Variants in CDHR4 observed in about 807,000 individuals in gnomAD.
The protein encoded by CDHR4 is cadherin-related family member 4.
A neutral mutation model predicts 88.4 loss-of-function variants in CDHR4; 89 were observed. The observed-to-expected ratio is 1.01, with a 90% CI of 0.85 to 1.20. The LOEUF (loss-of-function observed/expected upper bound fraction) is 1.20. Ranked by LOEUF, CDHR4 falls within the 50% of genes most tolerant of loss-of-function variation. CDHR4 has a pLI of 0.00. For missense variants in CDHR4, 914 were observed against 1,007.2 expected, an observed-to-expected ratio of 0.91 and a Z score of 1.25; for synonymous variants, 368 against 399.2, an observed-to-expected ratio of 0.92 and a Z score of 0.93.
rs1370995679 is a variant in CDHR4, at chr3:49,790,821, G to C, written c.*11C>G. On this transcript the variant is annotated 3_prime_UTR_variant, in exon 19 of 19. Coordinates refer to ENST00000412678, the MANE Select transcript of CDHR4 (RefSeq NM_001007540.4). The stretch of plus-strand genomic sequence containing the variant: ...AAGAAATTCCACACATAGTAAGACA[G>C]CTACTTGGCCTCAGAGCCAGCGCCG... 6.5e-7 allele frequency: 1 copy of C among 1,550,096 alleles called. No individual in the cohort carries two copies. The highest frequency in any genetic ancestry group is 2.4e-5 in the East Asian group (1 of 40,930).
chr3:49,794,128 G>A lies in CDHR4; in HGVS notation c.1280-122C>T, dbSNP rs577482559. The A allele has an allele frequency of 1.6e-5, 15 of 958,974 alleles. No individual in the cohort carries two copies. The Admixed American group carries it at 3.4e-4, about 22-fold the overall frequency. 59.4% of individuals were successfully genotyped at this position (958,974 alleles called of 1,614,324 possible). On this transcript the variant is annotated intron_variant, in intron 10 of 18. Coordinates refer to ENST00000412678, the MANE Select transcript of CDHR4 (RefSeq NM_001007540.4). ...AGAGTGAGAGGGTCTGCTGGGCGTGGTGGCTCACGCCTGTAATCCCAGCAC... is the reference window on the plus strand; with the variant it reads ...AGAGTGAGAGGGTCTGCTGGGCGTGATGGCTCACGCCTGTAATCCCAGCAC...
At chr3:49,792,805 C>T in intron 14 of CDHR4, 49 bp downstream of exon 14, 6 of 1,493,156 alleles carry the variant, frequency 4.0e-6, no homozygotes, top group Non-Finnish European at 5.4e-6. Context: ...TCCTCACTCT[C>T]CAAGGTCCAC....
At position 49,793,144 on chromosome 3, in the gene CDHR4, G is replaced by GTGC. The variant is rs1487815719; in HGVS notation, c.1774+14_1774+16dup. On this transcript the variant is annotated intron_variant, in intron 13 of 18. Transcript: ENST00000412678. Reference sequence around the variant, plus strand: ...CCTGCCCCTCACTCACAACCTGGTGGTGCCCATGTCCCCTACCTCCCACGA... The same window carrying GTGC: ...CCTGCCCCTCACTCACAACCTGGTGGTGCTGCCCATGTCCCCTACCTCCCACGA... 1 of 1,551,160 alleles carries GTGC rather than the reference G, an allele frequency of 6.4e-7. No individual in the cohort carries two copies. The highest frequency in any genetic ancestry group is 2.4e-5 in the East Asian group (1 of 40,902).
intron 15 of CDHR4, 103 bp from the exon 16 acceptor site, chr3:49,792,062 T>A (rs1000345506): frequency 8.5e-7 from 1 of 1,180,246 alleles, no homozygotes; most frequent in African/African-American, 1.5e-5. Context: ...ACAACCAATG[T>A]CTGTATGCAG....
rs1442990938 is a variant in CDHR4 at position 49,795,780 on chromosome 3, G to A, written c.711-16C>T. On this transcript the variant is annotated splice_polypyrimidine_tract_variant and intron_variant, in intron 6 of 18. Transcript: ENST00000412678. This position sits in a 1 kb window ranked among gnomAD's most constrained non-coding sequence, Gnocchi z 5.4. ...AGCCTGCTCGCTGGACCAAAAGGGGGGCACTGGTTCCTGCCCATTCCTGCT... is the reference window on the plus strand; with the variant it reads ...AGCCTGCTCGCTGGACCAAAAGGGGAGCACTGGTTCCTGCCCATTCCTGCT... The A allele has an allele frequency of 1.9e-6, 3 of 1,551,606 alleles. No homozygotes were observed. Among genetic ancestry groups the A allele is most frequent in the Non-Finnish European group, 8.7e-7 (1 of 1,146,946 alleles).
At chr3:49,791,293 T>G in intron 18 of CDHR4, 148 bp downstream of exon 18, 1 of 831,082 alleles carries the variant, frequency 1.2e-6, no homozygotes, top group Non-Finnish European at 1.9e-6. Context: ...TGAGCGGGGA[T>G]GAGAGCAGAC....
At chr3:49,794,899 C>G in intron 9 of CDHR4, 48 bp downstream of exon 9, 1 of 1,540,322 alleles carries the variant, frequency 6.5e-7, no homozygotes, top group Non-Finnish European at 8.8e-7. Flanking sequence ...CCCACCCCTT[C>G]CCACTGCAAG....
At position 49,799,802 on chromosome 3, in the gene CDHR4, A is replaced by C; in HGVS notation, c.11T>G (p.Leu4Arg). 6.2e-7 allele frequency: 1 copy of C among 1,613,968 alleles called. No individual in the cohort carries two copies. The highest frequency in any genetic ancestry group is 1.3e-5 in the African/African-American group (1 of 75,064). The part of the protein sequence containing the change: MVL[L>R]RLLVFLFAPV... ...AGCAAAGAGGAACACGAGGAGCCTG[A>C]GCAGCACCATGATGACCTGAAGACA... Residue 4 changes from leucine (L) to arginine (R), a missense_variant, in exon 1 of 19, where the codon CTC becomes CGC. Leu to Arg is a moderately radical substitution (Grantham distance 102). Transcript: ENST00000412678.
At position 49,796,949 on chromosome 3, in the gene CDHR4, G is replaced by A; in HGVS notation, c.579C>T (p.Ser193=). The stretch of plus-strand genomic sequence containing the variant: ...TTTGAGCCTGGCCTAGGAGGCCCTG[G>A]GATGGTGCCTGCAGCCAACCTTGCT... The part of the protein sequence containing the change: ...INEQGWLQAP[S]QGLLGQAQKV... The change falls in exon 5 of 19, where the codon TCC becomes TCT. Residue 193 remains serine, a synonymous_variant. Transcript: ENST00000412678. 1 of 1,551,650 alleles carries A rather than the reference G, an allele frequency of 6.4e-7. No individual in the cohort carries two copies. The highest frequency in any genetic ancestry group is 8.7e-7 in the Non-Finnish European group (1 of 1,146,948).
At chr3:49,792,046 T>C in intron 15 of CDHR4, 87 bp from the exon 16 acceptor site, 3 of 1,347,240 alleles carry the variant, frequency 2.2e-6, no homozygotes, top group East Asian at 2.5e-5. Context: ...TTCCTTTATA[T>C]TGGGAACAAC....
chr3:49,791,014 C>T (rs2081170923), intron 18 of CDHR4, 127 bp from the exon 19 acceptor site: 2 of 716,178 alleles, frequency 2.8e-6, no homozygotes, highest in Non-Finnish European at 4.6e-6. Context: ...CCCACCTTCG[C>T]TGGAATCTAA....
chr3:49,794,792 T>C, intron 9 of CDHR4, 91 bp from the exon 10 acceptor site: 1 of 1,422,946 alleles, frequency 7.0e-7, no homozygotes, highest in South Asian at 1.3e-5. Context: ...CATCCACAAA[T>C]ATCTTGCCTG....
chr3:49,793,522 A>G (rs2081215609), intron 12 of CDHR4, 61 bp downstream of exon 12: 3 of 1,538,860 alleles, frequency 1.9e-6, no homozygotes, highest in Middle Eastern at 3.4e-4. Flanking sequence ...AGAACACCAC[A>G]GGGCAATCTG....
Position 49,799,087 on chromosome 3 carries a change from T to C in CDHR4, c.310A>G (p.Thr104Ala). 6.3e-7 allele frequency: 1 copy of C among 1,579,834 alleles called. No homozygotes were observed. Among genetic ancestry groups the C allele is most frequent in the East Asian group, 2.3e-5 (1 of 42,978 alleles). The change falls in exon 3 of 19, where the codon ACA becomes GCA. Residue 104 changes from threonine (T) to alanine (A), a missense_variant. Thr to Ala is a moderately conservative substitution (Grantham distance 58). Coordinates refer to ENST00000412678, the MANE Select transcript of CDHR4 (RefSeq NM_001007540.4). ...VNHYKVQLKFTCGNHVMEGSL... is the reference protein window; with the variant it reads ...VNHYKVQLKFACGNHVMEGSL... Reference sequence around the variant, plus strand: ...CCCTCCATCACATGGTTGCCACATGTGAACTTCAGCTGCACCTTGTAGTGG... The same window carrying C: ...CCCTCCATCACATGGTTGCCACATGCGAACTTCAGCTGCACCTTGTAGTGG...
chr3:49,796,205 G>C (rs1198719065), intron 5 of CDHR4, among the ~76,000 whole-genome samples, 159 bp from the exon 6 acceptor site: 1 of 152,168 alleles, frequency 6.6e-6, no homozygotes, highest in Non-Finnish European at 1.5e-5. Context: ...TCACTCTGCT[G>C]ACAAGTATTC....
upstream of CDHR4, among the ~76,000 whole-genome samples, chr3:49,802,016 A>G (rs1330458899): frequency 6.6e-6 from 1 of 152,086 alleles, no homozygotes; most frequent in Non-Finnish European, 1.5e-5. Context: ...CCCTCCTGCC[A>G]CCACCACCAA....
In CDHR4 at chr3:49,794,685, T is replaced by A; in HGVS notation, c.1202A>T (p.Asp401Val). Residue 401 changes from aspartate (D) to valine (V), a missense_variant, in exon 10 of 19, where the codon GAC becomes GTC. By Grantham distance (152) the Asp-to-Val change is radical. Coordinates refer to ENST00000412678, the MANE Select transcript of CDHR4 (RefSeq NM_001007540.4). ...GAAGCAGGCTCCAGGAGTGTCACAGTCCAGTGTGGCATTCACCTAGCCAAA... is the reference window on the plus strand; with the variant it reads ...GAAGCAGGCTCCAGGAGTGTCACAGACCAGTGTGGCATTCACCTAGCCAAA... ...DRVLEVNATL[D>V]CDTPGACFQH... The A allele has an allele frequency of 6.4e-7, 1 of 1,551,192 alleles. No homozygotes were observed. Among genetic ancestry groups the A allele is most frequent in the Non-Finnish European group, 8.7e-7 (1 of 1,146,758 alleles).
At chr3:49,791,494 G>T (rs2081179247) in intron 17 of CDHR4, 26 bp from the exon 18 acceptor site, 10 of 1,541,362 alleles carry the variant, frequency 6.5e-6, no homozygotes, top group Admixed American at 2.1e-5. Flanking sequence ...AAAAAAAGAT[G>T]CAATGAATTG....
upstream of CDHR4, among the ~76,000 whole-genome samples, chr3:49,802,605 T>C (rs187062009): frequency 1.1e-4 from 17 of 152,340 alleles, no homozygotes; most frequent in East Asian, 3.3e-3. Context: ...GCAGCTACAC[T>C]ACCCTTGAGC....
Sources: gnomAD v4.1 joint callset for allele counts (sites outside exome capture counted in the v4.1 genomes callset) on GRCh38, gnomAD v4.1.1 for gene constraint, Gnocchi (gnomAD v3.1) non-coding constraint, MANE v1.5 for transcripts, NCBI Gene and HGNC (gene_info 2026-07-23, HGNC 2026-07-21) for gene names.